PIK3C2G: variants seen among roughly 807,000 people sequenced by gnomAD.
PIK3C2G encodes phosphatidylinositol 3-kinase C2 domain-containing subunit gamma.
In PIK3C2G, 168 loss-of-function variants were observed where a neutral mutation model predicts 181.1. The observed-to-expected ratio is 0.93, with a 90% CI of 0.82 to 1.05. The LOEUF (loss-of-function observed/expected upper bound fraction) is 1.05. Ranked by LOEUF, PIK3C2G falls within the 50% of genes least tolerant of loss-of-function variation. The probability of loss-of-function intolerance (pLI) is 0.00; values close to 1 mark genes in which losing one functional copy is unlikely to be tolerated. For missense variants in PIK3C2G, 1,869 were observed against 1,732.8 expected, an observed-to-expected ratio of 1.08 and a Z score of -1.40; for synonymous variants, 573 against 592.2, an observed-to-expected ratio of 0.97 and a Z score of 0.47.
At chr12:18,660,582 T>G in the PIK3C2G span, among the ~76,000 whole-genome samples, 1 of 152,100 alleles carries the variant, frequency 6.6e-6, no homozygotes, top group Non-Finnish European at 1.5e-5. Context: ...GAGAAAGGTA[T>G]AGACTCAGAA....
intron 29 of PIK3C2G, among the ~76,000 whole-genome samples, chr12:18,584,242 C>T (rs528309023): frequency 7.9e-5 from 12 of 151,804 alleles, no homozygotes; most frequent in East Asian, 7.8e-4. Context: ...ACTGTGGTCT[C>T]GATCTCCTGA....
intron 1 of PIK3C2G, among the ~76,000 whole-genome samples, chr12:18,266,911 C>A (rs1449648779): frequency 6.6e-6 from 1 of 150,952 alleles, no homozygotes; most frequent in East Asian, 2.0e-4. Flanking sequence ...TATCACAATA[C>A]ACATATATTT....
At chr12:18,718,364 T>G in the PIK3C2G span, among the ~76,000 whole-genome samples, 2 of 152,082 alleles carry the variant, frequency 1.3e-5, no homozygotes, top group African/African-American at 4.8e-5. Context: ...TCCACATTAT[T>G]GAATAAATCA....
Position 18,644,645 on chromosome 12 carries a change from A to G in PIK3C2G, c.4309-3231A>G, listed in dbSNP as rs554225269. On this transcript the variant is annotated intron_variant, in intron 32 of 32. Transcript: ENST00000538779. ...GTTATCTGTGTTATAATATTATTGC[A>G]ATTTCAACATGATGAAAATTGTATT... Among the ~76,000 whole-genome samples, 59 of 152,248 alleles carry G rather than the reference A, an allele frequency of 3.9e-4. No homozygotes were observed. In the South Asian group the frequency reaches 6.0e-3, roughly 16 times the overall value.
intron 30 of PIK3C2G, among the ~76,000 whole-genome samples, chr12:18,597,393 C>A (rs1947429807): frequency 6.6e-6 from 1 of 151,838 alleles, no homozygotes; most frequent in South Asian, 2.1e-4. Context: ...AAAATAAAAG[C>A]AAATTACTTA....
intron 26 of PIK3C2G, among the ~76,000 whole-genome samples, chr12:18,550,644 C>G (rs1297970735): frequency 6.6e-6 from 1 of 152,018 alleles, no homozygotes; most frequent in Non-Finnish European, 1.5e-5. Context: ...ATGAGCCCCT[C>G]TATATTTAAA....
chr12:18,271,394 G>C (rs955040612), intron 1 of PIK3C2G, among the ~76,000 whole-genome samples: 5 of 151,982 alleles, frequency 3.3e-5, no homozygotes, highest in Non-Finnish European at 7.4e-5. Context: ...ATTCCTTTTA[G>C]TAATAAAATA....
At chr12:18,328,273 G>A (rs1951434953) in intron 8 of PIK3C2G, among the ~76,000 whole-genome samples, 1 of 151,840 alleles carries the variant, frequency 6.6e-6, no homozygotes, top group Admixed American at 6.6e-5. Flanking sequence ...TAGATAACCA[G>A]GAGAATATGA....
intron 1 of PIK3C2G, among the ~76,000 whole-genome samples, chr12:18,280,600 G>GTGTAGTGTC (rs1337122995): frequency 6.6e-6 from 1 of 151,950 alleles, no homozygotes; most frequent in Non-Finnish European, 1.5e-5. Flanking sequence ...CCTAGAGAGT[G>GTGTAGTGTC]TGTAGTGTCA....
intron 31 of PIK3C2G, among the ~76,000 whole-genome samples, chr12:18,638,814 A>T (rs1198294527): frequency 6.6e-6 from 1 of 152,112 alleles, no homozygotes; most frequent in Non-Finnish European, 1.5e-5. Flanking sequence ...ATTTCCAGAA[A>T]CATGTTTTAC....
At chr12:18,650,704 GTATATATCTATATATATATATA>G (rs1394171094), downstream of PIK3C2G, among the ~76,000 whole-genome samples, 499 of 57,744 alleles carry the variant, frequency 8.6e-3, 14 homozygotes, top group African/African-American at 0.026. Flanking sequence ...GTGTGTGTGT[GTATATATCTATATATATATATA>G]TATATATATA....
chr12:18,421,071 T>C, intron 17 of PIK3C2G, 37 bp downstream of exon 17: 1 of 1,100,308 alleles, frequency 9.1e-7, no homozygotes, highest in Non-Finnish European at 1.4e-6. Flanking sequence ...ACCCAGGGTT[T>C]TAACTAATTA....
chr12:18,700,538 A>AAAG, the PIK3C2G span, among the ~76,000 whole-genome samples: 56 of 135,942 alleles, frequency 4.1e-4, no homozygotes, highest in African/African-American at 7.5e-4. Flanking sequence ...AAAAAAAAAT[A>AAAG]GTTGCTCTGC....
At chr12:18,650,392 TACAC>T (rs1354170128), downstream of PIK3C2G, among the ~76,000 whole-genome samples, 1 of 135,742 alleles carries the variant, frequency 7.4e-6, no homozygotes, top group Non-Finnish European at 1.5e-5. Flanking sequence ...TGTCTGTGTA[TACAC>T]ACACATTTTT....
At chr12:18,315,613 A>C (rs769404726) in intron 6 of PIK3C2G, among the ~76,000 whole-genome samples, 3 of 152,196 alleles carry the variant, frequency 2.0e-5, no homozygotes, top group Non-Finnish European at 2.9e-5. Context: ...AGACTTTAAC[A>C]TTTCTATCAC....
At chr12:18,410,883 T>C (rs527997914) in intron 16 of PIK3C2G, among the ~76,000 whole-genome samples, 1 of 152,300 alleles carries the variant, frequency 6.6e-6, no homozygotes, top group Admixed American at 6.5e-5. Flanking sequence ...ACATGTAAAA[T>C]CAACGTGTAA....
intron 18 of PIK3C2G, among the ~76,000 whole-genome samples, chr12:18,432,309 A>C (rs1015322911): frequency 2.6e-5 from 4 of 152,166 alleles, no homozygotes; most frequent in Non-Finnish European, 5.9e-5. Flanking sequence ...TGTTAAGAAA[A>C]AGTGAAGAGT....
chr12:18,563,414 C>A lies in PIK3C2G; in HGVS notation c.3818C>A (p.Thr1273Lys), dbSNP rs1235898070. The stretch of plus-strand genomic sequence containing the variant: ...CAGGTGACACACAGCAACAACGAAA[C>A]AAGCCTGACAGAAAAATCATTTGAG... ...LIQVTHSNNE[T>K]SLTEKSFEQF... Residue 1273 changes from threonine to lysine, a missense_variant, in exon 28 of 33, where the codon ACA becomes AAA. Coordinates refer to ENST00000538779, the MANE Select transcript of PIK3C2G (RefSeq NM_001288772.2). 2 of 1,613,398 alleles carry A rather than the reference C, an allele frequency of 1.2e-6. No homozygotes were observed. Among genetic ancestry groups the A allele is most frequent in the African/African-American group, 1.3e-5 (1 of 75,018 alleles).
intron 18 of PIK3C2G, among the ~76,000 whole-genome samples, chr12:18,449,083 G>T (rs539226960): frequency 9.9e-5 from 15 of 151,810 alleles, no homozygotes; most frequent in African/African-American, 3.6e-4. Context: ...CATAATAGTT[G>T]TACCAATTTA....
Sources: allele counts gnomAD v4.1 joint callset (sites outside exome capture counted in the v4.1 genomes callset), GRCh38; gene constraint gnomAD v4.1.1; transcripts MANE v1.5; gene names NCBI Gene and HGNC (gene_info 2026-07-23, HGNC 2026-07-21).